Variants in KSR1 observed in about 807,000 individuals in gnomAD.
KSR1 encodes kinase suppressor of ras 1, also known as kinase suppressor of ras.
Under a neutral mutation model 92.9 loss-of-function variants are expected in KSR1, and 35 were observed. That is an observed-to-expected ratio of 0.38 (90% CI 0.29 to 0.50). The LOEUF is 0.50. Among genes scored for constraint, KSR1 ranks in the 20% least tolerant of loss-of-function variants. KSR1 has a pLI of 0.94. For synonymous variants in KSR1, 467 were observed against 472.6 expected (o/e 0.99, Z 0.15); for missense variants, 972 against 1,158.5 (o/e 0.84, Z 2.34).
chr17:27,468,326 C>T (rs2019806722), intron 1 of KSR1, among the ~76,000 whole-genome samples: 1 of 151,928 alleles, frequency 6.6e-6, no homozygotes, highest in South Asian at 2.1e-4. Context: ...ACCTCTGCCT[C>T]CCGGGCTCAA....
chr17:27,480,533 G>A (rs1420812248), intron 1 of KSR1, among the ~76,000 whole-genome samples: 2 of 152,162 alleles, frequency 1.3e-5, no homozygotes, highest in African/African-American at 2.4e-5. Context: ...GAGCAGCTGG[G>A]ATTACAGGCA....
chr17:27,570,640 G>A (rs1446862762), intron 2 of KSR1, among the ~76,000 whole-genome samples: 3 of 152,178 alleles, frequency 2.0e-5, no homozygotes, highest in African/African-American at 7.2e-5. Flanking sequence ...GGAGAGGGAG[G>A]CAGGGACCTG....
intron 1 of KSR1, among the ~76,000 whole-genome samples, chr17:27,487,160 C>T (rs981581425): frequency 1.3e-5 from 2 of 152,308 alleles, no homozygotes; most frequent in East Asian, 1.9e-4. Flanking sequence ...TGTGGCCGGG[C>T]GCGATGGCTC....
intron 18 of KSR1, among the ~76,000 whole-genome samples, chr17:27,615,842 T>C (rs542953699): frequency 6.6e-6 from 1 of 152,322 alleles, no homozygotes; most frequent in East Asian, 1.9e-4. Context: ...CTTGCATGCC[T>C]AAAATAGTTA....
intron 19 of KSR1, among the ~76,000 whole-genome samples, chr17:27,618,450 G>A (rs529508536): frequency 6.6e-6 from 1 of 152,340 alleles, no homozygotes; most frequent in Admixed American, 6.5e-5. Flanking sequence ...TCTGGGCTAG[G>A]GGTTGGGCCA....
chr17:27,500,459 C>T (rs2069137853), intron 1 of KSR1, among the ~76,000 whole-genome samples: 1 of 152,114 alleles, frequency 6.6e-6, no homozygotes, highest in African/African-American at 2.4e-5. Context: ...GTGTGGTAGC[C>T]AGCAAGGACA....
chr17:27,510,701 C>T (rs1413200849), intron 1 of KSR1, among the ~76,000 whole-genome samples: 1 of 152,212 alleles, frequency 6.6e-6, no homozygotes, highest in African/African-American at 2.4e-5. Context: ...CTTGCTGGTT[C>T]ATTTTTCCAA....
chr17:27,503,443 A>C (rs2069262454), intron 1 of KSR1, among the ~76,000 whole-genome samples: 1 of 152,190 alleles, frequency 6.6e-6, no homozygotes, highest in Non-Finnish European at 1.5e-5. Flanking sequence ...TCCTGCCTCT[A>C]ATCCCAGCAC....
chr17:27,609,418 T>C, intron 16 of KSR1, 89 bp downstream of exon 16: 1 of 1,535,136 alleles, frequency 6.5e-7, no homozygotes, highest in Non-Finnish European at 9.0e-7. Context: ...TGTTTGTTGC[T>C]GAGCTGCAGC....
chr17:27,465,697 T>G (rs2019663784), intron 1 of KSR1, among the ~76,000 whole-genome samples: 2 of 152,222 alleles, frequency 1.3e-5, no homozygotes, highest in Admixed American at 6.5e-5. Flanking sequence ...GCGTTTTGCT[T>G]TCCGCAAATA....
intron 1 of KSR1, among the ~76,000 whole-genome samples, chr17:27,488,343 T>G (rs1276931740): frequency 1.3e-5 from 2 of 152,218 alleles, no homozygotes; most frequent in East Asian, 3.8e-4. Flanking sequence ...TTTTTACTTC[T>G]GTCTGGCTCA....
chr17:27,527,490 C>T (rs2070359475), intron 1 of KSR1, among the ~76,000 whole-genome samples: 1 of 110,856 alleles, frequency 9.0e-6, no homozygotes, highest in East Asian at 2.4e-4. Context: ...GCAACCTCCG[C>T]CTCCTGGCGA....
At chr17:27,567,166 G>T (rs2072108920) in intron 2 of KSR1, among the ~76,000 whole-genome samples, 1 of 152,226 alleles carries the variant, frequency 6.6e-6, no homozygotes. Flanking sequence ...GACTGATTGT[G>T]AAAAGGGAAA....
At chr17:27,467,660 G>C (rs1367001615) in intron 1 of KSR1, among the ~76,000 whole-genome samples, 1 of 152,180 alleles carries the variant, frequency 6.6e-6, no homozygotes, top group Non-Finnish European at 1.5e-5. Context: ...GGTCCATCTG[G>C]TCATTTTATA....
intron 1 of KSR1, among the ~76,000 whole-genome samples, chr17:27,504,290 C>T (rs561204716): frequency 1.2e-4 from 18 of 152,338 alleles, no homozygotes; most frequent in Non-Finnish European, 2.2e-4. Flanking sequence ...GCCATTCTTA[C>T]CCACCTCAGT....
At chr17:27,493,496 C>T (rs974268173) in intron 1 of KSR1, among the ~76,000 whole-genome samples, 1 of 152,146 alleles carries the variant, frequency 6.6e-6, no homozygotes, top group East Asian at 1.9e-4. Context: ...GACCCTGCCC[C>T]GTGGTGCTCG....
intron 2 of KSR1, among the ~76,000 whole-genome samples, chr17:27,576,467 T>C (rs1204777086): frequency 6.6e-6 from 1 of 152,220 alleles, no homozygotes; most frequent in East Asian, 1.9e-4. Flanking sequence ...ATGTGGTCTC[T>C]CTTCTCTCTC....
At chr17:27,498,378 T>C (rs1225012475) in intron 1 of KSR1, among the ~76,000 whole-genome samples, 3 of 149,688 alleles carry the variant, frequency 2.0e-5, no homozygotes, top group African/African-American at 7.4e-5. Context: ...CAACCAACTC[T>C]ACTTACACAC....
At chr17:27,603,565 C>A (rs1007936445) in intron 11 of KSR1, among the ~76,000 whole-genome samples, 2 of 152,214 alleles carry the variant, frequency 1.3e-5, no homozygotes, top group Non-Finnish European at 2.9e-5. Context: ...TCACCCTCCC[C>A]ACCTGCCCAG....
Sources: gnomAD v4.1 joint callset for allele counts (sites outside exome capture counted in the v4.1 genomes callset) on GRCh38, gnomAD v4.1.1 for gene constraint, MANE v1.5 for transcripts, NCBI Gene and HGNC (gene_info 2026-07-23, HGNC 2026-07-21) for gene names.